Variants in GRIN2A observed in about 807,000 individuals in gnomAD.
GRIN2A encodes the protein glutamate ionotropic receptor NMDA type subunit 2A.
Under a neutral mutation model 113.4 loss-of-function variants are expected in GRIN2A, and 22 were observed. That is an observed-to-expected ratio of 0.19 (90% CI 0.14 to 0.28). GRIN2A has a LOEUF of 0.28. Ranked by LOEUF, GRIN2A falls within the 10% of genes least tolerant of loss-of-function variation. The pLI is 1.00. For missense variants in GRIN2A, 1,502 were observed against 1,887.0 expected, an observed-to-expected ratio of 0.80 and a Z score of 3.78; for synonymous variants, 827 against 738.4, an observed-to-expected ratio of 1.12 and a Z score of -1.94.
chr16:9,943,588 T>TAGGGGC, intron 2 of GRIN2A, among the ~76,000 whole-genome samples: 1 of 152,274 alleles, frequency 6.6e-6, no homozygotes, highest in South Asian at 2.1e-4. Context: ...ACCCATTATC[T>TAGGGGC]CTTTGATCCT....
intron 4 of GRIN2A, among the ~76,000 whole-genome samples, chr16:9,880,777 G>A (rs758215185): frequency 6.6e-5 from 10 of 152,160 alleles, no homozygotes; most frequent in African/African-American, 1.2e-4. Flanking sequence ...TCCAAATCTT[G>A]CTTATTCTCG....
chr16:10,036,191 G>A (rs1362449834), intron 2 of GRIN2A, among the ~76,000 whole-genome samples: 1 of 152,116 alleles, frequency 6.6e-6, no homozygotes, highest in African/African-American at 2.4e-5. Context: ...TGTGTGATTG[G>A]TATTAGCATT....
intron 2 of GRIN2A, among the ~76,000 whole-genome samples, chr16:9,957,203 CTTG>C (rs2045329234): frequency 6.6e-6 from 1 of 152,198 alleles, no homozygotes; most frequent in African/African-American, 2.4e-5. Flanking sequence ...CTCCCTAGGG[CTTG>C]TTCTCAGCCA....
At chr16:10,168,577 T>C (rs961342008) in intron 2 of GRIN2A, among the ~76,000 whole-genome samples, 4 of 152,226 alleles carry the variant, frequency 2.6e-5, no homozygotes, top group Non-Finnish European at 5.9e-5. Flanking sequence ...CATATCCTGA[T>C]ATAGCCTTCC....
chr16:9,842,394 C>T (rs944058795), intron 5 of GRIN2A, among the ~76,000 whole-genome samples: 7 of 152,208 alleles, frequency 4.6e-5, no homozygotes, highest in Non-Finnish European at 8.8e-5. Flanking sequence ...ATTAGCTCAA[C>T]CCTGTCTTTG....
At chr16:10,151,815 G>T (rs919688318) in intron 2 of GRIN2A, among the ~76,000 whole-genome samples, 6 of 152,134 alleles carry the variant, frequency 3.9e-5, no homozygotes, top group Non-Finnish European at 8.8e-5. Context: ...AATTACCAAC[G>T]TGTTATAAAC....
intron 2 of GRIN2A, among the ~76,000 whole-genome samples, chr16:9,967,903 A>T (rs915080293): frequency 1.3e-5 from 2 of 152,230 alleles, no homozygotes; most frequent in African/African-American, 4.8e-5. Context: ...AATTAAAAAA[A>T]TTTTAAAACA....
chr16:10,099,834 A>G (rs2048359646), intron 2 of GRIN2A, among the ~76,000 whole-genome samples: 2 of 152,204 alleles, frequency 1.3e-5, no homozygotes, highest in African/African-American at 2.4e-5. Flanking sequence ...CCAGTACTGA[A>G]ACGTCTGCTC....
intron 2 of GRIN2A, among the ~76,000 whole-genome samples, chr16:10,045,403 C>T (rs1004219387): frequency 5.7e-5 from 7 of 123,526 alleles, no homozygotes; most frequent in Non-Finnish European, 1.2e-4. Flanking sequence ...TCTCTCAGGC[C>T]TCTTGCAAAT....
rs60999132 is a variant in GRIN2A at position 9,979,845 on chromosome 16, C to CTGTG, written c.415-41298_415-41295dup. Among the ~76,000 whole-genome samples the CTGTG allele has an allele frequency of 2.2e-4, 30 of 133,520 alleles. 2 individuals carry two copies. Among genetic ancestry groups the CTGTG allele is most frequent in the South Asian group, 1.3e-3 (5 of 3,766 alleles). 87.6% of individuals were successfully genotyped at this position (133,520 alleles called of 152,430 possible). A position where few individuals can be genotyped will look rare whatever the true frequency, so the allele number is the denominator to read the frequency against. On this transcript the variant is annotated intron_variant, in intron 2 of 12. Transcript: ENST00000330684. ...TATGTATTTATCTAGGACTTATATT[C>CTGTG]TGTGTGTGTGTGTGTGTGTGTGTGT...
At chr16:9,799,652 T>G (rs1481023642) in intron 10 of GRIN2A, among the ~76,000 whole-genome samples, 1 of 152,204 alleles carries the variant, frequency 6.6e-6, no homozygotes, top group African/African-American at 2.4e-5. Context: ...TGCCAACCCT[T>G]GTTTTAATCC....
intron 2 of GRIN2A, among the ~76,000 whole-genome samples, chr16:10,012,448 A>G (rs2046524203): frequency 6.6e-6 from 1 of 152,242 alleles, no homozygotes; most frequent in South Asian, 2.1e-4. Context: ...CTTTAACTCA[A>G]GAATCACAAA....
Position 9,764,707 on chromosome 16 carries a change from T to C in GRIN2A, c.2837A>G (p.Asn946Ser), listed in dbSNP as rs2141136659. 1 of 1,614,258 alleles carries C rather than the reference T, an allele frequency of 6.2e-7. No homozygotes were observed. Among genetic ancestry groups the C allele is most frequent in the South Asian group, 1.1e-5 (1 of 91,088 alleles). The change falls in exon 13 of 13, where the codon AAC becomes AGC. Residue 946 changes from asparagine to serine, a missense_variant. This residue lies in a region of GRIN2A where 832 missense variants were observed against 789.7 expected (regional missense o/e 1.05). Transcript: ENST00000330684. ...GCTCTCTTTCCCCTGAAAGGACCTG[T>C]TGTCTGAGTACATCAAATTCCCCTT... ...SDKGNLMYSD[N>S]RSFQGKESIF...
intron 2 of GRIN2A, among the ~76,000 whole-genome samples, chr16:10,161,153 C>T (rs1474840469): frequency 1.3e-5 from 2 of 152,126 alleles, no homozygotes; most frequent in East Asian, 3.9e-4. Context: ...ATGGTTACCC[C>T]CATGCTGTTC....
chr16:9,807,670 C>G (rs1295956154), intron 10 of GRIN2A, among the ~76,000 whole-genome samples: 1 of 152,106 alleles, frequency 6.6e-6, no homozygotes, highest in African/African-American at 2.4e-5. Flanking sequence ...GACACTGAGG[C>G]CCAGAGATCT....
At chr16:9,872,617 T>C (rs1367458773) in intron 4 of GRIN2A, among the ~76,000 whole-genome samples, 1 of 152,138 alleles carries the variant, frequency 6.6e-6, no homozygotes, top group Non-Finnish European at 1.5e-5. Context: ...ATGTGGTATA[T>C]ATACACAATG....
At chr16:9,825,798 G>A (rs1386681398) in intron 9 of GRIN2A, among the ~76,000 whole-genome samples, 2 of 152,116 alleles carry the variant, frequency 1.3e-5, no homozygotes, top group African/African-American at 4.8e-5. Context: ...GCAGCACAGT[G>A]CCCAGAGACA....
intron 2 of GRIN2A, among the ~76,000 whole-genome samples, chr16:10,048,970 C>G (rs1427629161): frequency 6.6e-6 from 1 of 152,200 alleles, no homozygotes; most frequent in African/African-American, 2.4e-5. Context: ...CAGCCCCTGC[C>G]CATTCATGCA....
chr16:9,862,724 T>C (rs965273678), intron 4 of GRIN2A, among the ~76,000 whole-genome samples: 1 of 152,184 alleles, frequency 6.6e-6, no homozygotes, highest in Non-Finnish European at 1.5e-5. Context: ...AAAAAGTTAA[T>C]AGTGTTTTCT....
Sources: allele counts gnomAD v4.1 joint callset (sites outside exome capture counted in the v4.1 genomes callset), GRCh38; gene constraint gnomAD v4.1.1; regional missense constraint gnomAD v4.1.1; transcripts MANE v1.5; gene names NCBI Gene and HGNC (gene_info 2026-07-23, HGNC 2026-07-21).